Variants in BAIAP2 observed in about 807,000 individuals in gnomAD.
BAIAP2 encodes BAR/IMD domain-containing adapter protein 2.
BAIAP2 carries 18 observed loss-of-function variants against 63.0 expected under a neutral mutation model. The observed-to-expected ratio is 0.29, with a 90% confidence interval of 0.20 to 0.42. The LOEUF is 0.42. BAIAP2 is among the 10% of genes least tolerant of loss of function. The pLI is 1.00. For synonymous variants in BAIAP2, 386 were observed against 307.6 expected (o/e 1.25, Z -2.67); for missense variants, 610 against 734.3 (o/e 0.83, Z 1.96).
intron 1 of BAIAP2, among the ~76,000 whole-genome samples, chr17:81,047,509 A>G (rs1323504110): frequency 1.3e-5 from 2 of 152,184 alleles, no homozygotes; most frequent in African/African-American, 2.4e-5. Context: ...ACGTGTGTCC[A>G]GCACACGCAT....
intron 13 of BAIAP2, chr17:81,110,640 C>A: frequency 8.0e-7 from 1 of 1,255,444 alleles, no homozygotes; most frequent in African/African-American, 1.5e-5. Flanking sequence ...TGGGCTTGCA[C>A]ACGGTGCTGG....
intron 3 of BAIAP2, among the ~76,000 whole-genome samples, chr17:81,082,548 C>G (rs2054820039): frequency 6.6e-6 from 1 of 152,242 alleles, no homozygotes; most frequent in Non-Finnish European, 1.5e-5. Context: ...GGGCACTGTT[C>G]TCTGGAGAAG....
chr17:81,093,933 T>TC (rs1300995328), intron 6 of BAIAP2, among the ~76,000 whole-genome samples: 9 of 146,218 alleles, frequency 6.2e-5, no homozygotes, highest in East Asian at 2.1e-4. Flanking sequence ...GGACAACCCC[T>TC]CCCCCCCACC....
rs191424857 is a variant in BAIAP2, at chr17:81,046,687, G to A, written c.55-6981G>A. ...ACAGCAAGCTCTGAGGTGTCCTCCC[G>A]CGAGGACACTGTCCACTGCTGCAGG... On this transcript the variant is annotated intron_variant, in intron 1 of 13. Coordinates refer to ENST00000428708, the MANE Select transcript of BAIAP2 (RefSeq NM_001144888.2). This position sits in a 1 kb window ranked among gnomAD's most constrained non-coding sequence, Gnocchi z 4.5. Among the ~76,000 whole-genome samples the A allele has an allele frequency of 3.3e-5, 5 of 152,142 alleles. No homozygotes were observed. The highest frequency in any genetic ancestry group is 4.8e-5 in the African/African-American group (2 of 41,430).
Position 81,110,041 on chromosome 17 carries a change from C to T in BAIAP2, c.1535+1532C>T, listed in dbSNP as rs1281233727. On this transcript the variant is annotated intron_variant, in intron 13 of 13. Coordinates refer to ENST00000428708, the MANE Select transcript of BAIAP2 (RefSeq NM_001144888.2). ...ACTTTAGAAACAAACACAGTGGACT[C>T]AGTGGCTACTGGTATTGTCTCTTCC... is the stretch of plus-strand genomic sequence containing the variant. 4 of 985,494 alleles carry T rather than the reference C, an allele frequency of 4.1e-6. No individual in the cohort carries two copies. In the East Asian group the frequency reaches 4.5e-4, roughly 112 times the overall value. 61.0% of individuals were successfully genotyped at this position (985,494 alleles called of 1,614,324 possible). A position where few individuals can be genotyped will look rare whatever the true frequency, so the allele number is the denominator to read the frequency against.
intron 1 of BAIAP2, among the ~76,000 whole-genome samples, chr17:81,050,825 A>C (rs931648327): frequency 7.3e-5 from 11 of 151,288 alleles, no homozygotes; most frequent in African/African-American, 2.7e-4. Flanking sequence ...GCACACCAGA[A>C]CACTAGAGTC....
rs374519398 is a variant in BAIAP2, at chr17:81,081,765, C to T, written c.218-3067C>T. ...GTTTGCCGCTGATCCCCAGAGGTCT[C>T]GACTTCATCCCGACCGTGAGAGGCC... On this transcript the variant is annotated intron_variant, in intron 3 of 13. Transcript: ENST00000428708. 2.4e-4 allele frequency among the ~76,000 whole-genome samples: 36 copies of T among 152,304 alleles called. No homozygotes were observed. In the East Asian group the frequency reaches 4.3e-3, roughly 18 times the overall value.
intron 13 of BAIAP2, chr17:81,109,140 CCCCAGACTCTGTGAT>C: frequency 6.9e-7 from 1 of 1,444,822 alleles, no homozygotes. Flanking sequence ...TGGTTGGTGA[CCCCAGACTCTGTGAT>C]CCCCCAGGGT....
At chr17:81,086,068 C>A (rs969443373) in intron 5 of BAIAP2, among the ~76,000 whole-genome samples, 1 of 152,092 alleles carries the variant, frequency 6.6e-6, no homozygotes, top group Non-Finnish European at 1.5e-5. Context: ...CGTCCTGCCC[C>A]ACCGCCACTC....
chr17:81,079,534 A>C, intron 3 of BAIAP2, among the ~76,000 whole-genome samples: 6 of 147,812 alleles, frequency 4.1e-5, no homozygotes, highest in South Asian at 2.2e-4. Context: ...CCTCCTCCTC[A>C]CTCCCCAGCA....
chr17:81,111,086 G>A, intron 13 of BAIAP2: 2 of 1,144,726 alleles, frequency 1.7e-6, no homozygotes, highest in Middle Eastern at 2.3e-4. Context: ...GGTCCACTGA[G>A]CCTGCCTCTC....
intron 13 of BAIAP2, among the ~76,000 whole-genome samples, chr17:81,115,563 G>A (rs949470468): frequency 6.6e-6 from 1 of 152,220 alleles, no homozygotes; most frequent in African/African-American, 2.4e-5. Flanking sequence ...AGGGCACATA[G>A]TGGACTTGGG....
chr17:81,078,960 C>T (rs977186726), intron 3 of BAIAP2, among the ~76,000 whole-genome samples: 12 of 152,052 alleles, frequency 7.9e-5, no homozygotes, highest in African/African-American at 2.4e-4. Flanking sequence ...TGGGGTAAGA[C>T]CTGGGGGGAG....
intron 3 of BAIAP2, among the ~76,000 whole-genome samples, chr17:81,060,437 A>T (rs2050350374): frequency 1.3e-5 from 2 of 152,156 alleles, no homozygotes; most frequent in South Asian, 4.2e-4. Flanking sequence ...ATATAAATGG[A>T]GTCATACGGT....
intron 3 of BAIAP2, among the ~76,000 whole-genome samples, chr17:81,084,247 C>G (rs1427903710): frequency 6.6e-6 from 1 of 152,114 alleles, no homozygotes; most frequent in Non-Finnish European, 1.5e-5. Context: ...GGCCAGGTCT[C>G]CTCAGACCAC....
At position 81,044,774 on chromosome 17, in the gene BAIAP2, T is replaced by C. The variant is rs1030386057; in HGVS notation, c.55-8894T>C. Among the ~76,000 whole-genome samples, 7 of 152,204 alleles carry C rather than the reference T, an allele frequency of 4.6e-5. No homozygotes were observed. The South Asian group carries it at 1.4e-3, about 32-fold the overall frequency. ...CTCAGTCAGATCGCAGCCCGCAGTTTATGACAACAGGAAGGTTTCCACGGG... is the reference window on the plus strand; with the variant it reads ...CTCAGTCAGATCGCAGCCCGCAGTTCATGACAACAGGAAGGTTTCCACGGG... On this transcript the variant is annotated intron_variant, in intron 1 of 13. Transcript: ENST00000428708.
intron 3 of BAIAP2, 125 bp downstream of exon 3, chr17:81,058,092 T>C (rs1261357970): frequency 2.6e-6 from 2 of 779,916 alleles, no homozygotes; most frequent in East Asian, 2.8e-5. Context: ...TAGGAAAATA[T>C]TTTAATGACA....
chr17:81,117,099 G>T lies in BAIAP2; in HGVS notation c.*1260G>T, dbSNP rs1056703647. ...GCCTGCAGGAAGGGAGACCTGCAGG[G>T]CGCTACCCCTGCGCCCCCACACACA... On this transcript the variant is annotated 3_prime_UTR_variant, in exon 14 of 14. Transcript: ENST00000428708. 7 of 152,290 alleles carry T rather than the reference G, an allele frequency of 4.6e-5. No individual in the cohort carries two copies. The highest frequency in any genetic ancestry group is 7.3e-5 in the Non-Finnish European group (5 of 68,102). 9.4% of individuals were successfully genotyped at this position (152,290 alleles called of 1,614,324 possible).
intron 3 of BAIAP2, among the ~76,000 whole-genome samples, chr17:81,068,923 G>A (rs546527219): frequency 6.6e-6 from 1 of 152,098 alleles, no homozygotes; most frequent in Admixed American, 6.6e-5. Flanking sequence ...GCCCGCTGCC[G>A]AGCTCCAGCT....
Sources: gnomAD v4.1 joint callset for allele counts (sites outside exome capture counted in the v4.1 genomes callset) on GRCh38, gnomAD v4.1.1 for gene constraint, Gnocchi (gnomAD v3.1) non-coding constraint, MANE v1.5 for transcripts, NCBI Gene and HGNC (gene_info 2026-07-23, HGNC 2026-07-21) for gene names.